TENM3: variants seen among roughly 807,000 people sequenced by gnomAD.
The protein encoded by TENM3 is teneurin transmembrane protein 3, also known as teneurin-3.
A neutral mutation model predicts 255.1 loss-of-function variants in TENM3; 63 were observed. The ratio of observed to expected loss-of-function variants is 0.25; its 90% confidence interval spans 0.20 to 0.30. TENM3 has a LOEUF of 0.30. Ranked by LOEUF, TENM3 falls within the 10% of genes least tolerant of loss-of-function variation. The pLI is 1.00. For synonymous variants in TENM3, 1,306 were observed against 1,322.3 expected (o/e 0.99, Z 0.27); for missense variants, 2,929 against 3,461.1 (o/e 0.85, Z 3.86).
chr4:182,511,726 C>G (rs1266879055), intron 3 of TENM3, among the ~76,000 whole-genome samples: 1 of 151,954 alleles, frequency 6.6e-6, no homozygotes, highest in Non-Finnish European at 1.5e-5. Context: ...ACATAATTTT[C>G]AATTTGTTTA....
chr4:181,661,176 A>G, the TENM3 span, among the ~76,000 whole-genome samples: 2 of 152,166 alleles, frequency 1.3e-5, no homozygotes, highest in African/African-American at 4.8e-5. Context: ...CTTTAATGGC[A>G]TAAAAACTGA....
Position 182,610,666 on chromosome 4 carries a change from A to G in TENM3, c.749+9505A>G, listed in dbSNP as rs538356221. ...CCACTGTCCTCCAGCCTGGGCAACA[A>G]AGTGAGACCCTCTCTCTATTTTTTT... On this transcript the variant is annotated intron_variant, in intron 4 of 27. Transcript: ENST00000511685. Among the ~76,000 whole-genome samples, 242 of 152,104 alleles carry G rather than the reference A, an allele frequency of 1.6e-3. 3 individuals carry two copies. The highest frequency in any genetic ancestry group is 0.011 in the South Asian group (52 of 4,808).
At chr4:182,123,078 C>G in the TENM3 span, among the ~76,000 whole-genome samples, 122 of 152,324 alleles carry the variant, frequency 8.0e-4, no homozygotes, top group African/African-American at 2.9e-3. Context: ...TCTCAGCCTT[C>G]TTAGAATTGA....
chr4:181,745,026 T>C, the TENM3 span, among the ~76,000 whole-genome samples: 1 of 152,164 alleles, frequency 6.6e-6, no homozygotes, highest in African/African-American at 2.4e-5. Context: ...ATAGATGGTA[T>C]TTAAGGTCAT....
At chr4:181,827,764 A>G in the TENM3 span, among the ~76,000 whole-genome samples, 2 of 152,114 alleles carry the variant, frequency 1.3e-5, no homozygotes, top group Non-Finnish European at 2.9e-5. Context: ...AGGTAAGGAG[A>G]GCAGGACGAT....
the TENM3 span, among the ~76,000 whole-genome samples, chr4:182,058,277 C>A: frequency 6.6e-6 from 1 of 151,576 alleles, no homozygotes; most frequent in Non-Finnish European, 1.5e-5. Context: ...GTATGGCTAC[C>A]AATTAATTGC....
chr4:182,311,415 CTCTT>C (rs1762436800), intron 1 of TENM3, among the ~76,000 whole-genome samples: 1 of 152,314 alleles, frequency 6.6e-6, no homozygotes, highest in Admixed American at 6.5e-5. Flanking sequence ...ATCTCTCTCT[CTCTT>C]TTTTACTTCT....
intron 3 of TENM3, among the ~76,000 whole-genome samples, chr4:182,501,258 A>C (rs1160550035): frequency 6.6e-6 from 1 of 152,102 alleles, no homozygotes; most frequent in Non-Finnish European, 1.5e-5. Flanking sequence ...AGTCATCCTG[A>C]TAACATGAAA....
At chr4:182,271,419 G>A (rs1215611844) in intron 1 of TENM3, among the ~76,000 whole-genome samples, 2 of 152,114 alleles carry the variant, frequency 1.3e-5, no homozygotes, top group Non-Finnish European at 2.9e-5. Context: ...CGGTAAATAA[G>A]GCCTTCCCGT....
the TENM3 span, among the ~76,000 whole-genome samples, chr4:181,480,248 T>C: frequency 6.6e-6 from 1 of 152,128 alleles, no homozygotes; most frequent in Non-Finnish European, 1.5e-5. Flanking sequence ...TTCATTCAGA[T>C]TACCACCTGG....
chr4:182,744,350 G>A (rs565258338), intron 19 of TENM3, among the ~76,000 whole-genome samples: 73 of 152,040 alleles, frequency 4.8e-4, no homozygotes, highest in African/African-American at 1.6e-3. Context: ...AGTTATTTAC[G>A]TGATATAATT....
rs144417819 is a variant in TENM3 at position 182,391,869 on chromosome 4, C to CA, written c.511+44950dup. On this transcript the variant is annotated intron_variant, in intron 3 of 27. Coordinates refer to ENST00000511685, the MANE Select transcript of TENM3 (RefSeq NM_001080477.4). Reference sequence around the variant, plus strand: ...TTGACTTCTTCCTCTACAAAATGGGCAAAAAAAAAACATGCTTATGAAGTA... The same window carrying CA: ...TTGACTTCTTCCTCTACAAAATGGGCAAAAAAAAAAACATGCTTATGAAGTA... Among the ~76,000 whole-genome samples the CA allele has an allele frequency of 6.5e-3, 931 of 143,138 alleles. 3 individuals are homozygous for CA. The highest frequency in any genetic ancestry group is 0.016 in the Admixed American group (225 of 14,436). The allele number at this position is 143,138 out of a possible 152,430, so 93.9% of individuals were successfully genotyped here.
At chr4:182,046,887 G>A in the TENM3 span, among the ~76,000 whole-genome samples, 4 of 152,130 alleles carry the variant, frequency 2.6e-5, no homozygotes, top group Non-Finnish European at 4.4e-5. Flanking sequence ...TGCAGATATC[G>A]TCAATGTTCT....
chr4:182,595,541 C>T (rs1464406578), intron 3 of TENM3, among the ~76,000 whole-genome samples: 1 of 152,084 alleles, frequency 6.6e-6, no homozygotes, highest in Non-Finnish European at 1.5e-5. Context: ...TTTTAAAAAA[C>T]ATCTGATATT....
At chr4:181,584,237 GTGGCCCTTCT>G in the TENM3 span, among the ~76,000 whole-genome samples, 1 of 152,182 alleles carries the variant, frequency 6.6e-6, no homozygotes, top group African/African-American at 2.4e-5. Context: ...AAAGAAGAGA[GTGGCCCTTCT>G]TTCCCTCAGA....
chr4:181,780,052 T>G, the TENM3 span, among the ~76,000 whole-genome samples: 5 of 152,226 alleles, frequency 3.3e-5, no homozygotes, highest in African/African-American at 1.2e-4. Flanking sequence ...GACATTTGGG[T>G]TGGTTCCAAG....
chr4:182,612,938 G>A (rs1171996487), intron 4 of TENM3, among the ~76,000 whole-genome samples: 5 of 152,096 alleles, frequency 3.3e-5, no homozygotes, highest in Admixed American at 2.6e-4. Flanking sequence ...TCAGATTAGT[G>A]ACTTACTAGA....
chr4:182,650,298 C>T (rs1043474760), intron 5 of TENM3, among the ~76,000 whole-genome samples: 8 of 150,068 alleles, frequency 5.3e-5, no homozygotes, highest in East Asian at 2.0e-4. Flanking sequence ...AAGAGCACAG[C>T]GCCCCCAGCT....
the TENM3 span, among the ~76,000 whole-genome samples, chr4:181,813,413 A>G: frequency 6.6e-6 from 1 of 152,214 alleles, no homozygotes; most frequent in African/African-American, 2.4e-5. Context: ...CAACAAACAA[A>G]GCGTCAAGCA....
Sources: allele counts gnomAD v4.1 joint callset (sites outside exome capture counted in the v4.1 genomes callset), GRCh38; gene constraint gnomAD v4.1.1; transcripts MANE v1.5; gene names NCBI Gene and HGNC (gene_info 2026-07-23, HGNC 2026-07-21).